The following SDK1 variants were observed in gnomAD, a reference collection of about 807,000 sequenced individuals.
SDK1 encodes the protein protein sidekick-1.
Under a neutral mutation model 245.5 loss-of-function variants are expected in SDK1, and 157 were observed. That is an observed-to-expected ratio of 0.64 (90% CI 0.56 to 0.73). The LOEUF is 0.73. Ranked by LOEUF, SDK1 falls within the 30% of genes least tolerant of loss-of-function variation. The pLI is 0.00. For missense variants in SDK1, 3,583 were observed against 3,002.3 expected (o/e 1.19, Z -4.52); for synonymous variants, 1,647 against 1,278.5 (o/e 1.29, Z -6.15).
intron 1 of SDK1, among the ~76,000 whole-genome samples, chr7:3,331,912 G>A (rs1334118517): frequency 6.6e-6 from 1 of 152,148 alleles, no homozygotes; most frequent in South Asian, 2.1e-4. Flanking sequence ...ACCTTGCAAT[G>A]TAGCTTTGCA....
chr7:4,040,515 G>A (rs1301532404), intron 17 of SDK1, among the ~76,000 whole-genome samples: 3 of 152,208 alleles, frequency 2.0e-5, no homozygotes, highest in Non-Finnish European at 4.4e-5. Context: ...AAGAGTGGAG[G>A]TTTAATAGGC....
intron 4 of SDK1, among the ~76,000 whole-genome samples, chr7:3,743,446 C>G (rs1046544636): frequency 6.6e-6 from 1 of 152,108 alleles, no homozygotes; most frequent in Non-Finnish European, 1.5e-5. Flanking sequence ...CTAGAACTGG[C>G]AAGTTAGAGT....
At chr7:3,508,603 C>T (rs904906694) in intron 1 of SDK1, among the ~76,000 whole-genome samples, 1 of 152,162 alleles carries the variant, frequency 6.6e-6, no homozygotes, top group Non-Finnish European at 1.5e-5. Flanking sequence ...GTTGGGATTA[C>T]AGGTGTGAGC....
intron 1 of SDK1, among the ~76,000 whole-genome samples, chr7:3,494,755 A>C (rs1451096257): frequency 1.3e-5 from 2 of 152,192 alleles, no homozygotes; most frequent in Non-Finnish European, 2.9e-5. Context: ...AATGTTTGTT[A>C]AGTTTTGGCT....
At chr7:3,383,530 G>A (rs1330994131) in intron 1 of SDK1, among the ~76,000 whole-genome samples, 2 of 152,102 alleles carry the variant, frequency 1.3e-5, no homozygotes, top group East Asian at 3.8e-4. Context: ...CAGATTTTGT[G>A]CTTATTTGAG....
chr7:4,246,638 C>G (rs1786878461), intron 44 of SDK1, among the ~76,000 whole-genome samples: 2 of 152,154 alleles, frequency 1.3e-5, no homozygotes, highest in South Asian at 4.1e-4. Flanking sequence ...CTCCCTTGCG[C>G]TGAAGAAGAG....
Position 3,571,751 on chromosome 7 carries a change from A to T in SDK1, c.299-47329A>T, listed in dbSNP as rs561028368. ...CTCAATGAATATAACATTCTTGGTA[A>T]TCAGAGAATGGGATTAAATTTTTAA... is the stretch of plus-strand genomic sequence containing the variant. On this transcript the variant is annotated intron_variant, in intron 1 of 44. Coordinates refer to ENST00000404826, the MANE Select transcript of SDK1 (RefSeq NM_152744.4). Among the ~76,000 whole-genome samples the T allele has an allele frequency of 3.9e-5, 6 of 152,252 alleles. No individual in the cohort carries two copies. In the East Asian group the frequency reaches 1.2e-3, roughly 29 times the overall value.
intron 4 of SDK1, among the ~76,000 whole-genome samples, chr7:3,795,729 C>A (rs909936143): frequency 8.5e-5 from 13 of 152,248 alleles, no homozygotes; most frequent in African/African-American, 2.6e-4. Context: ...TCTGAAGCAT[C>A]AACTCTGAAA....
At chr7:3,942,031 C>T (rs1051955509) in intron 5 of SDK1, among the ~76,000 whole-genome samples, 1 of 151,782 alleles carries the variant, frequency 6.6e-6, no homozygotes, top group African/African-American at 2.4e-5. Context: ...GCCTCAGCCT[C>T]CCGTAGCTGG....
intron 5 of SDK1, among the ~76,000 whole-genome samples, chr7:3,865,501 C>A (rs1432798751): frequency 6.6e-6 from 1 of 151,992 alleles, no homozygotes; most frequent in South Asian, 2.1e-4. Flanking sequence ...TCCCTGAGTT[C>A]TTTTATTTTG....
At chr7:3,636,941 G>T (rs10233162) in intron 2 of SDK1, among the ~76,000 whole-genome samples, 50,495 of 151,890 alleles carry the variant, frequency 0.33, 8,961 homozygotes, top group South Asian at 0.45. Context: ...TAGGGACATT[G>T]AGCTCTTTTT....
intron 1 of SDK1, among the ~76,000 whole-genome samples, chr7:3,570,010 C>G (rs1247267683): frequency 6.6e-6 from 1 of 152,122 alleles, no homozygotes; most frequent in Non-Finnish European, 1.5e-5. Context: ...AGTCTGTTTT[C>G]TTTATAATTC....
chr7:3,904,501 C>A (rs9886085), intron 5 of SDK1, among the ~76,000 whole-genome samples: 2,413 of 152,026 alleles, frequency 0.016, 79 homozygotes, highest in African/African-American at 0.056. Context: ...CAAGAGCAGC[C>A]TGAGCAGCAG....
At chr7:4,009,271 C>A (rs1785748546) in intron 14 of SDK1, among the ~76,000 whole-genome samples, 1 of 152,208 alleles carries the variant, frequency 6.6e-6, no homozygotes, top group African/African-American at 2.4e-5. Context: ...AACGGTATTT[C>A]CATGGAAGCT....
At chr7:3,703,772 G>T (rs553191267) in intron 4 of SDK1, among the ~76,000 whole-genome samples, 1 of 152,252 alleles carries the variant, frequency 6.6e-6, no homozygotes, top group African/African-American at 2.4e-5. Flanking sequence ...CTTCTCCAAT[G>T]TCCTTCAAAA....
chr7:3,627,802 A>G (rs1782166731), intron 2 of SDK1, among the ~76,000 whole-genome samples: 1 of 152,206 alleles, frequency 6.6e-6, no homozygotes, highest in African/African-American at 2.4e-5. Flanking sequence ...TGAGTGCCTT[A>G]TCTGAAGTGG....
At chr7:3,757,385 A>C (rs1031906421) in intron 4 of SDK1, among the ~76,000 whole-genome samples, 1 of 151,938 alleles carries the variant, frequency 6.6e-6, no homozygotes, top group South Asian at 2.1e-4. Flanking sequence ...AGGTGCTACC[A>C]TGCCTGGTTA....
intron 40 of SDK1, among the ~76,000 whole-genome samples, chr7:4,230,482 G>A (rs1171538373): frequency 1.4e-5 from 2 of 147,078 alleles, no homozygotes; most frequent in Non-Finnish European, 3.0e-5. Flanking sequence ...GGGGAAGGAA[G>A]GAGGGAGGGA....
intron 38 of SDK1, among the ~76,000 whole-genome samples, chr7:4,214,622 T>C (rs1784686183): frequency 6.6e-6 from 1 of 152,030 alleles, no homozygotes; most frequent in Non-Finnish European, 1.5e-5. Context: ...CCTCCCCGGG[T>C]GTCAGGAAGA....
Sources: gnomAD v4.1 joint callset for allele counts (sites outside exome capture counted in the v4.1 genomes callset) on GRCh38, gnomAD v4.1.1 for gene constraint, MANE v1.5 for transcripts, NCBI Gene and HGNC (gene_info 2026-07-23, HGNC 2026-07-21) for gene names.